LINGO1: variants seen among roughly 807,000 people sequenced by gnomAD.
LINGO1 encodes leucine-rich repeat and immunoglobulin-like domain-containing nogo receptor-interacting protein 1.
LINGO1 carries 11 observed loss-of-function variants against 37.3 expected under a neutral mutation model. The observed-to-expected ratio is 0.29, with a 90% CI of 0.19 to 0.49. The LOEUF (loss-of-function observed/expected upper bound fraction) is 0.49. LINGO1 is among the 20% of genes least tolerant of loss of function. LINGO1 has a pLI of 0.99. For missense variants in LINGO1, 585 were observed against 878.2 expected, an observed-to-expected ratio of 0.67 and a Z score of 4.22; for synonymous variants, 387 against 403.0, an observed-to-expected ratio of 0.96 and a Z score of 0.48.
intron 1 of LINGO1, among the ~76,000 whole-genome samples, chr15:77,738,225 C>G (rs1456138176): frequency 2.6e-5 from 4 of 152,150 alleles, no homozygotes; most frequent in African/African-American, 9.7e-5. Flanking sequence ...CTCCCTCACT[C>G]AGCTTCTTGC....
At chr15:77,699,052 C>A (rs867742838), upstream of LINGO1, among the ~76,000 whole-genome samples, 42 of 152,092 alleles carry the variant, frequency 2.8e-4, no homozygotes, top group African/African-American at 9.2e-4. Context: ...AGGCCAAGGG[C>A]AGCCTGACTG....
At chr15:77,642,623 A>G (rs1159749850) in intron 3 of LINGO1, among the ~76,000 whole-genome samples, 1 of 151,922 alleles carries the variant, frequency 6.6e-6, no homozygotes, top group African/African-American at 2.4e-5. Flanking sequence ...CCTCTCCCCA[A>G]CCTGGCCCTA....
At chr15:77,736,153 C>CT (rs2076202123) in intron 1 of LINGO1, among the ~76,000 whole-genome samples, 1 of 152,206 alleles carries the variant, frequency 6.6e-6, no homozygotes, top group Non-Finnish European at 1.5e-5. Flanking sequence ...TGGCATGAAA[C>CT]TTTAACTGTG....
At chr15:77,696,124 T>C (rs2075689417) in intron 1 of LINGO1, 1 of 152,158 alleles carries the variant, frequency 6.6e-6, no homozygotes, top group Non-Finnish European at 1.5e-5. Context: ...GCTAAATATC[T>C]CTGTATAATG....
At chr15:77,792,638 T>C (rs1388529028) in intron 2 of LINGO1, among the ~76,000 whole-genome samples, 1 of 152,204 alleles carries the variant, frequency 6.6e-6, no homozygotes, top group Non-Finnish European at 1.5e-5. Context: ...GCCTGCCCCC[T>C]TTTCCAACCT....
intron 3 of LINGO1, among the ~76,000 whole-genome samples, chr15:77,660,775 TG>T (rs1307696146): frequency 1.3e-5 from 2 of 151,136 alleles, no homozygotes; most frequent in African/African-American, 4.9e-5. Flanking sequence ...AGAGTCTGTC[TG>T]TAGTTTTCCC....
At chr15:77,661,665 G>A (rs949874066) in intron 3 of LINGO1, among the ~76,000 whole-genome samples, 2 of 152,240 alleles carry the variant, frequency 1.3e-5, no homozygotes, top group Non-Finnish European at 2.9e-5. Context: ...ACAGCCTGAA[G>A]TGTGCCTCAC....
intron 1 of LINGO1, among the ~76,000 whole-genome samples, chr15:77,627,770 G>T (rs1239816593): frequency 1.3e-5 from 2 of 152,180 alleles, no homozygotes. Context: ...AACATGCAGG[G>T]ACTTAAGCCC....
intron 2 of LINGO1, among the ~76,000 whole-genome samples, chr15:77,714,237 G>T (rs894301691): frequency 6.6e-6 from 1 of 152,136 alleles, no homozygotes; most frequent in Non-Finnish European, 1.5e-5. Flanking sequence ...CTGCTGCCAT[G>T]ATGGGGTCTG....
chr15:77,727,605 TC>T (rs1596161875), intron 2 of LINGO1, among the ~76,000 whole-genome samples: 1 of 152,140 alleles, frequency 6.6e-6, no homozygotes, highest in African/African-American at 2.4e-5. Flanking sequence ...GCGGTTGTTG[TC>T]CAGTGGATAC....
In LINGO1 at chr15:77,632,470, G is replaced by T; in HGVS notation, c.-155C>A. The T allele has an allele frequency of 2.8e-6, 2 of 719,618 alleles. No individual in the cohort carries two copies. The highest frequency in any genetic ancestry group is 3.8e-6 in the Non-Finnish European group (2 of 526,560). 44.6% of individuals were successfully genotyped at this position (719,618 alleles called of 1,614,324 possible). On this transcript the variant is annotated 5_prime_UTR_variant, in exon 1 of 2. Transcript: ENST00000355300. This position sits in a 1 kb window ranked among gnomAD's most constrained non-coding sequence, Gnocchi z 6.0. The stretch of plus-strand genomic sequence containing the variant: ...TCCGCGCGCCCTCGCGGGGCTGGCT[G>T]TCCGTCTGTCCGCCCCGCGCGGGCG...
At chr15:77,779,944 G>A (rs1291758723) in intron 1 of LINGO1, among the ~76,000 whole-genome samples, 2 of 152,188 alleles carry the variant, frequency 1.3e-5, no homozygotes, top group Non-Finnish European at 2.9e-5. Flanking sequence ...GCCAGACACC[G>A]CCCCTGATAA....
intron 1 of LINGO1, among the ~76,000 whole-genome samples, chr15:77,622,582 A>G (rs547924361): frequency 6.6e-6 from 1 of 152,224 alleles, no homozygotes; most frequent in Non-Finnish European, 1.5e-5. Flanking sequence ...CCTCTCCCCA[A>G]GTCCCTGCCT....
rs74026823 is a variant in LINGO1 at position 77,802,592 on chromosome 15, C to T, written c.-457-6539G>A. Among the ~76,000 whole-genome samples, 725 of 152,226 alleles carry T rather than the reference C, an allele frequency of 4.8e-3. 5 individuals are homozygous for T. The highest frequency in any genetic ancestry group is 0.017 in the African/African-American group (688 of 41,500). ...CTGCCCAGAAGGAGCATAAGGCCCC[C>T]TCCAGTTCCAGAAGGCCCCCTTCCC... On this transcript the variant is annotated intron_variant, in intron 1 of 5. Coordinates refer to the LINGO1 transcript ENST00000562933.
intron 3 of LINGO1, among the ~76,000 whole-genome samples, chr15:77,658,842 C>T (rs984296116): frequency 3.9e-5 from 6 of 152,032 alleles, no homozygotes; most frequent in South Asian, 2.1e-4. Context: ...TAAGACTGAG[C>T]GAGGACGGAG....
chr15:77,799,800 G>C (rs1347070546), intron 1 of LINGO1, among the ~76,000 whole-genome samples: 2 of 145,502 alleles, frequency 1.4e-5, no homozygotes, highest in South Asian at 2.1e-4. Flanking sequence ...GTTTTGTTTT[G>C]TTTTCTTTTT....
intron 1 of LINGO1, among the ~76,000 whole-genome samples, chr15:77,776,488 A>AGGAAGGGAGGAAGGCAGGAAG (rs1567577582): frequency 7.7e-5 from 7 of 90,634 alleles, no homozygotes; most frequent in African/African-American, 3.5e-4. Context: ...AAGGCAGGAA[A>AGGAAGGGAGGAAGGCAGGAAG]GCAGGAAGGC....
At chr15:77,681,206 G>A (rs2075407578) in intron 2 of LINGO1, among the ~76,000 whole-genome samples, 1 of 148,418 alleles carries the variant, frequency 6.7e-6, no homozygotes, top group Admixed American at 6.8e-5. Flanking sequence ...ATTCAAAATG[G>A]TACATTTGGT....
At chr15:77,726,730 C>T (rs2076106108) in intron 2 of LINGO1, among the ~76,000 whole-genome samples, 2 of 152,110 alleles carry the variant, frequency 1.3e-5, no homozygotes, top group African/African-American at 4.8e-5. Flanking sequence ...GCAACAAAAG[C>T]AAAAATAGAC....
Sources: gnomAD v4.1 joint callset for allele counts (sites outside exome capture counted in the v4.1 genomes callset) on GRCh38, gnomAD v4.1.1 for gene constraint, Gnocchi (gnomAD v3.1) non-coding constraint, MANE v1.5 for transcripts, NCBI Gene and HGNC (gene_info 2026-07-23, HGNC 2026-07-21) for gene names.